SGPL1: variants seen among roughly 807,000 people sequenced by gnomAD.
SGPL1 encodes the protein SP-lyase 1.
SGPL1 carries 37 observed loss-of-function variants against 68.9 expected under a neutral mutation model. The observed-to-expected ratio is 0.54, with a 90% CI of 0.41 to 0.71. The LOEUF is 0.71. Among genes scored for constraint, SGPL1 ranks in the 30% least tolerant of loss-of-function variants. SGPL1 has a pLI of 0.00. For synonymous variants in SGPL1, 236 were observed against 248.5 expected (o/e 0.95, Z 0.47); for missense variants, 551 against 704.6 (o/e 0.78, Z 2.47).
chr10:70,850,462 A>G (rs1226950750), intron 3 of SGPL1, among the ~76,000 whole-genome samples: 1 of 152,238 alleles, frequency 6.6e-6, no homozygotes, highest in Admixed American at 6.5e-5. Flanking sequence ...TTGAACATCT[A>G]GAAACCTTAG....
At chr10:70,827,778 T>C (rs1845461819) in intron 2 of SGPL1, among the ~76,000 whole-genome samples, 2 of 152,326 alleles carry the variant, frequency 1.3e-5, no homozygotes, top group African/African-American at 4.8e-5. Context: ...GATCAAGATA[T>C]TAAACATTTC....
At chr10:70,822,593 G>T (rs146501135) in intron 2 of SGPL1, among the ~76,000 whole-genome samples, 2 of 152,190 alleles carry the variant, frequency 1.3e-5, no homozygotes, top group African/African-American at 4.8e-5. Flanking sequence ...ACCATGCTGT[G>T]GGGGAAGGGG....
chr10:70,877,292 T>G lies in SGPL1; in HGVS notation c.1664T>G (p.Val555Gly). 6.2e-7 allele frequency: 1 copy of G among 1,614,210 alleles called. No homozygotes were observed. Among genetic ancestry groups the G allele is most frequent in the Non-Finnish European group, 8.5e-7 (1 of 1,180,018 alleles). Residue 555 changes from valine (V) to glycine (G), a missense_variant, in exon 15 of 15, where the codon GTC becomes GGC. Coordinates refer to ENST00000373202, the MANE Select transcript of SGPL1 (RefSeq NM_003901.4). ...FLDSLYSTDT[V>G]TQGSQMNGSP... is the part of the protein sequence containing the mutation. ...GACAGCTTGTACAGCACCGACACTG[T>G]CACCCAGGGCAGCCAGATGAATGGT...
rs1845741007 is a variant in SGPL1 at position 70,843,077 on chromosome 10, AC to A, written c.28-1395del. Reference sequence around the variant, plus strand: ...TTCTGGTATGACTTTTTTCCTTTTAACTTTTCTACCTAGAGAATTTTCTTTC... The same window carrying A: ...TTCTGGTATGACTTTTTTCCTTTTAATTTTCTACCTAGAGAATTTTCTTTC... On this transcript the variant is annotated intron_variant, in intron 2 of 14. Coordinates refer to ENST00000373202, the MANE Select transcript of SGPL1 (RefSeq NM_003901.4). Among the ~76,000 whole-genome samples the A allele has an allele frequency of 2.0e-5, 3 of 152,204 alleles. No homozygotes were observed. In the South Asian group the frequency reaches 6.2e-4, roughly 32 times the overall value.
chr10:70,860,399 T>C, intron 7 of SGPL1: 1 of 469,160 alleles, frequency 2.1e-6, no homozygotes, highest in South Asian at 1.6e-5. Context: ...CCAGGAAGCA[T>C]TGTTTTTGTT....
At chr10:70,821,461 G>A (rs1251483946) in intron 2 of SGPL1, among the ~76,000 whole-genome samples, 5 of 152,166 alleles carry the variant, frequency 3.3e-5, no homozygotes, top group South Asian at 2.1e-4. Flanking sequence ...CAAGGTTAGC[G>A]TGTGCACCCT....
chr10:70,859,576 T>C, intron 7 of SGPL1, 77 bp downstream of exon 7: 1 of 725,988 alleles, frequency 1.4e-6, no homozygotes, highest in Non-Finnish European at 1.8e-6. Context: ...ATATTAATTA[T>C]ATTTTAAAAA....
At chr10:70,874,649 G>T (rs958864572) in intron 12 of SGPL1, among the ~76,000 whole-genome samples, 4 of 152,152 alleles carry the variant, frequency 2.6e-5, no homozygotes, top group African/African-American at 9.7e-5. Flanking sequence ...CTTGAACCCG[G>T]GAGGCAGAGG....
chr10:70,834,539 G>A (rs543891632), intron 2 of SGPL1, among the ~76,000 whole-genome samples: 5 of 152,222 alleles, frequency 3.3e-5, no homozygotes, highest in Admixed American at 1.3e-4. Flanking sequence ...ATTTCTTTCC[G>A]TCTTTCTTTT....
Position 70,869,827 on chromosome 10 carries a change from A to G in SGPL1, c.740A>G (p.Lys247Arg). The G allele has an allele frequency of 6.2e-7, 1 of 1,614,074 alleles. No individual in the cohort carries two copies. The highest frequency in any genetic ancestry group is 8.5e-7 in the Non-Finnish European group (1 of 1,179,980). The change falls in exon 9 of 15, where the codon AAA becomes AGA. Residue 247 changes from lysine (K) to arginine (R), a missense_variant. Coordinates refer to ENST00000373202, the MANE Select transcript of SGPL1 (RefSeq NM_003901.4). ...CAAAGTGCCCATGCTGCATTTAACA[A>G]AGCAGCCAGTTACTTTGGGATGAAG... ...APQSAHAAFN[K>R]AASYFGMKIV... is the part of the protein sequence containing the mutation.
intron 2 of SGPL1, among the ~76,000 whole-genome samples, chr10:70,843,770 TG>T (rs1845751478): frequency 6.6e-6 from 1 of 152,240 alleles, no homozygotes; most frequent in South Asian, 2.1e-4. Context: ...TGGTAAATTG[TG>T]GCCTGCAAGC....
At chr10:70,847,731 A>G (rs1845814389) in intron 3 of SGPL1, among the ~76,000 whole-genome samples, 1 of 152,218 alleles carries the variant, frequency 6.6e-6, no homozygotes, top group African/African-American at 2.4e-5. Flanking sequence ...GACACAGATA[A>G]GAATGTCTTC....
At chr10:70,876,279 GA>G (rs1374957271) in intron 13 of SGPL1, among the ~76,000 whole-genome samples, 1 of 152,130 alleles carries the variant, frequency 6.6e-6, no homozygotes, top group Non-Finnish European at 1.5e-5. Flanking sequence ...TTTGTGAGGG[GA>G]TGGGTGGGAC....
Position 70,869,787 on chromosome 10 carries a change from T to C in SGPL1, c.705-5T>C. 1 of 1,612,712 alleles carries C rather than the reference T, an allele frequency of 6.2e-7. No homozygotes were observed. The highest frequency in any genetic ancestry group is 8.5e-7 in the Non-Finnish European group (1 of 1,178,922). On this transcript the variant is annotated splice_region_variant and splice_polypyrimidine_tract_variant and intron_variant, in intron 8 of 14. Coordinates refer to ENST00000373202, the MANE Select transcript of SGPL1 (RefSeq NM_003901.4). ...TACATTATTCTCCTCTTCCCTGTCA[T>C]TTAGTGTGGCTCCCCAAAGTGCCCA...
chr10:70,878,664 C>T lies in SGPL1; in HGVS notation c.*1329C>T, dbSNP rs149767230. The T allele has an allele frequency of 9.2e-5, 14 of 152,290 alleles. No individual in the cohort carries two copies. In the South Asian group the frequency reaches 1.2e-3, roughly 14 times the overall value. The allele number at this position is 152,290 out of a possible 1,614,324, so 9.4% of individuals were successfully genotyped here. A position where few individuals can be genotyped will look rare whatever the true frequency, so the allele number is the denominator to read the frequency against. Reference sequence around the variant, plus strand: ...TTGCTTGAAGGAACAGCTCAAAGCACCTTCACAAGTTGCCTTGACTTACCC... The same window carrying T: ...TTGCTTGAAGGAACAGCTCAAAGCATCTTCACAAGTTGCCTTGACTTACCC... On this transcript the variant is annotated 3_prime_UTR_variant, in exon 15 of 15. Transcript: ENST00000373202.
intron 7 of SGPL1, among the ~76,000 whole-genome samples, chr10:70,862,207 G>C (rs1026105035): frequency 6.6e-6 from 1 of 152,190 alleles, no homozygotes; most frequent in African/African-American, 2.4e-5. Context: ...TCTAGCTCAA[G>C]GTTTGTAAAC....
chr10:70,823,454 C>T (rs1245028691), intron 2 of SGPL1, among the ~76,000 whole-genome samples: 1 of 147,720 alleles, frequency 6.8e-6, no homozygotes, highest in Non-Finnish European at 1.5e-5. Context: ...AACCTGATGA[C>T]AAACACTATT....
chr10:70,826,221 CACA>C (rs1273684474), intron 2 of SGPL1, among the ~76,000 whole-genome samples: 1 of 151,964 alleles, frequency 6.6e-6, no homozygotes, highest in Admixed American at 6.6e-5. Context: ...TACAACACAA[CACA>C]ACAATACAAT....
chr10:70,877,444 C>A lies in SGPL1; in HGVS notation c.*109C>A. 1 of 1,015,644 alleles carries A rather than the reference C, an allele frequency of 9.8e-7. No individual in the cohort carries two copies. The highest frequency in any genetic ancestry group is 1.5e-6 in the Non-Finnish European group (1 of 673,800). 62.9% of individuals were successfully genotyped at this position (1,015,644 alleles called of 1,614,324 possible). On this transcript the variant is annotated 3_prime_UTR_variant, in exon 15 of 15. Transcript: ENST00000373202. ...TCTGGTCTTGCTCCATAGAGCACAA[C>A]TCAAGATAGACCATGAGACAGCTTG...
Sources: allele counts gnomAD v4.1 joint callset (sites outside exome capture counted in the v4.1 genomes callset), GRCh38; gene constraint gnomAD v4.1.1; transcripts MANE v1.5; gene names NCBI Gene and HGNC (gene_info 2026-07-23, HGNC 2026-07-21).